Variants in CPQ observed in about 807,000 individuals in gnomAD.
CPQ encodes the protein carboxypeptidase Q, also known as Ser-Met dipeptidase.
CPQ carries 37 observed loss-of-function variants against 45.7 expected under a neutral mutation model. The ratio of observed to expected loss-of-function variants is 0.81; its 90% CI spans 0.62 to 1.07. The LOEUF (loss-of-function observed/expected upper bound fraction) is 1.07, where lower values mean the gene tolerates loss of function less well. CPQ is among the 50% of genes least tolerant of loss of function. The pLI is 0.00. For missense variants in CPQ, 537 were observed against 572.9 expected, an observed-to-expected ratio of 0.94 and a Z score of 0.64; for synonymous variants, 186 against 205.8, an observed-to-expected ratio of 0.90 and a Z score of 0.82.
chr8:97,130,951 G>A lies in CPQ; in HGVS notation c.1256-12069G>A, dbSNP rs1025680929. On this transcript the variant is annotated intron_variant, in intron 7 of 7. Coordinates refer to ENST00000220763, the MANE Select transcript of CPQ (RefSeq NM_016134.4). The stretch of plus-strand genomic sequence containing the variant: ...TCAGGTAGTCAGTTAAAGAGGCTGC[G>A]TTGAGCTGCCAAATGGGACGCTGCC... Among the ~76,000 whole-genome samples, 4 of 152,108 alleles carry A rather than the reference G, an allele frequency of 2.6e-5. No homozygotes were observed. The East Asian group carries it at 5.8e-4, about 22-fold the overall frequency.
intron 5 of CPQ, among the ~76,000 whole-genome samples, chr8:96,999,853 C>T (rs1470877083): frequency 6.6e-6 from 1 of 152,086 alleles, no homozygotes; most frequent in Non-Finnish European, 1.5e-5. Context: ...ACACTCCCAC[C>T]AAAAGTGTAT....
chr8:97,122,971 TAAAATA>T (rs1811749486), intron 7 of CPQ, among the ~76,000 whole-genome samples: 11 of 54,408 alleles, frequency 2.0e-4, no homozygotes, highest in South Asian at 1.1e-3. Context: ...TAAAATAAAA[TAAAATA>T]AAATTAAAAT....
At chr8:96,703,819 G>A (rs1809499690) in intron 1 of CPQ, among the ~76,000 whole-genome samples, 1 of 152,098 alleles carries the variant, frequency 6.6e-6, no homozygotes, top group Non-Finnish European at 1.5e-5. Context: ...GAGGTTAAAA[G>A]GTCAAGAATC....
intron 1 of CPQ, among the ~76,000 whole-genome samples, chr8:96,753,276 T>C (rs1810286590): frequency 6.6e-6 from 1 of 152,172 alleles, no homozygotes; most frequent in African/African-American, 2.4e-5. Flanking sequence ...TGTTGATTCT[T>C]ATACCACCAT....
intron 2 of CPQ, among the ~76,000 whole-genome samples, chr8:96,799,970 C>T (rs1810985210): frequency 6.6e-6 from 1 of 152,144 alleles, no homozygotes; most frequent in Non-Finnish European, 1.5e-5. Context: ...TGCACACAAA[C>T]ATGACCTAAG....
intron 1 of CPQ, among the ~76,000 whole-genome samples, chr8:96,729,875 A>G (rs1162477420): frequency 6.6e-6 from 1 of 152,016 alleles, no homozygotes; most frequent in Non-Finnish European, 1.5e-5. Flanking sequence ...GTGTATGGGC[A>G]TGTGACATGG....
intron 4 of CPQ, among the ~76,000 whole-genome samples, chr8:96,911,144 G>T (rs1812657392): frequency 1.3e-5 from 2 of 152,082 alleles, no homozygotes; most frequent in Non-Finnish European, 2.9e-5. Flanking sequence ...CCACCAGAAG[G>T]TTCCCCTGGG....
At chr8:96,800,366 C>A (rs775721525) in intron 2 of CPQ, among the ~76,000 whole-genome samples, 9 of 152,172 alleles carry the variant, frequency 5.9e-5, no homozygotes, top group Non-Finnish European at 1.3e-4. Flanking sequence ...GACGTAGGCA[C>A]CCTCATGCAC....
intron 1 of CPQ, among the ~76,000 whole-genome samples, chr8:96,733,506 G>A (rs1257456517): frequency 6.6e-5 from 10 of 151,972 alleles, no homozygotes; most frequent in Non-Finnish European, 1.2e-4. Flanking sequence ...TCGTTACTTA[G>A]TGAAGACGGT....
At chr8:96,709,241 C>A (rs1176631826) in intron 1 of CPQ, among the ~76,000 whole-genome samples, 1 of 151,990 alleles carries the variant, frequency 6.6e-6, no homozygotes, top group African/African-American at 2.4e-5. Flanking sequence ...AATCCCTCAC[C>A]CCTCTCCCAC....
intron 4 of CPQ, among the ~76,000 whole-genome samples, chr8:96,932,922 T>C (rs146281561): frequency 1.8e-4 from 28 of 152,308 alleles, no homozygotes; most frequent in South Asian, 6.2e-4. Flanking sequence ...TTCCAATGCA[T>C]ATAATAAGGA....
intron 7 of CPQ, among the ~76,000 whole-genome samples, chr8:97,132,521 T>A (rs1326466185): frequency 6.6e-6 from 1 of 152,226 alleles, no homozygotes; most frequent in African/African-American, 2.4e-5. Context: ...AGTTCAAATG[T>A]CATCTCTGCT....
chr8:96,879,681 G>C (rs1296940147), intron 3 of CPQ, 117 bp from the exon 4 acceptor site: 1 of 685,140 alleles, frequency 1.5e-6, no homozygotes, highest in Non-Finnish European at 2.5e-6. Context: ...CACATTTCCT[G>C]TTTCCCAGAT....
intron 1 of CPQ, among the ~76,000 whole-genome samples, chr8:96,651,037 G>A (rs1394118541): frequency 1.3e-5 from 2 of 152,164 alleles, no homozygotes; most frequent in East Asian, 1.9e-4. Context: ...TATCATATAT[G>A]AAGATTTTTC....
At chr8:96,860,428 G>A (rs1811911523) in intron 3 of CPQ, among the ~76,000 whole-genome samples, 1 of 152,106 alleles carries the variant, frequency 6.6e-6, no homozygotes, top group African/African-American at 2.4e-5. Flanking sequence ...TTTCCCATGT[G>A]CTTATAAAAA....
intron 3 of CPQ, among the ~76,000 whole-genome samples, chr8:96,859,137 C>T (rs530279430): frequency 6.6e-6 from 1 of 152,276 alleles, no homozygotes; most frequent in East Asian, 1.9e-4. Context: ...AGACTGATTG[C>T]CTTAATCCAA....
At chr8:96,683,625 A>T (rs767309892) in intron 1 of CPQ, among the ~76,000 whole-genome samples, 3 of 151,974 alleles carry the variant, frequency 2.0e-5, no homozygotes, top group Admixed American at 6.6e-5. Flanking sequence ...CTATGTTGTT[A>T]TCTATCTCTT....
chr8:96,954,261 T>C (rs1321808081), intron 4 of CPQ, among the ~76,000 whole-genome samples: 1 of 151,882 alleles, frequency 6.6e-6, no homozygotes, highest in Non-Finnish European at 1.5e-5. Context: ...TTTTCTTTCT[T>C]TTTTTTTAAG....
intron 3 of CPQ, among the ~76,000 whole-genome samples, chr8:96,865,103 A>AAAT (rs2130870051): frequency 6.6e-6 from 1 of 152,180 alleles, no homozygotes; most frequent in Non-Finnish European, 1.5e-5. Flanking sequence ...AATAATAATA[A>AAAT]AATAATAAAG....
Sources: gnomAD v4.1 joint callset for allele counts (sites outside exome capture counted in the v4.1 genomes callset) on GRCh38, gnomAD v4.1.1 for gene constraint, MANE v1.5 for transcripts, NCBI Gene and HGNC (gene_info 2026-07-23, HGNC 2026-07-21) for gene names.